Variants in SYNJ1 observed in about 807,000 individuals in gnomAD.
SYNJ1 encodes the protein synaptojanin 1, also known as polyphosphatidylinositol phosphatase SYNJ1.
SYNJ1 carries 78 observed loss-of-function variants against 168.2 expected under a neutral mutation model. The ratio of observed to expected loss-of-function variants is 0.46; its 90% CI spans 0.39 to 0.56. SYNJ1 has a LOEUF of 0.56. SYNJ1 is among the 20% of genes least tolerant of loss of function. SYNJ1 has a pLI of 0.00. For missense variants in SYNJ1, 1,303 were observed against 1,597.6 expected, an observed-to-expected ratio of 0.82 and a Z score of 3.14; for synonymous variants, 539 against 548.6, an observed-to-expected ratio of 0.98 and a Z score of 0.24.
intron 11 of SYNJ1, among the ~76,000 whole-genome samples, chr21:32,680,580 A>G (rs1284791039): frequency 1.3e-5 from 2 of 152,186 alleles, no homozygotes; most frequent in African/African-American, 4.8e-5. Context: ...GGAAATAAAA[A>G]GTAATGATGA....
At chr21:32,710,548 A>C (rs2042791140) in intron 2 of SYNJ1, among the ~76,000 whole-genome samples, 1 of 151,798 alleles carries the variant, frequency 6.6e-6, no homozygotes, top group Admixed American at 6.6e-5. Context: ...TTTCCCAAAC[A>C]GGATCTCTCA....
At chr21:32,669,502 A>G (rs2041095913) in intron 15 of SYNJ1, among the ~76,000 whole-genome samples, 1 of 152,244 alleles carries the variant, frequency 6.6e-6, no homozygotes, top group Non-Finnish European at 1.5e-5. Flanking sequence ...GAAGTGCTAC[A>G]TAACTTAGGG....
At chr21:32,656,452 A>T (rs1470106542) in intron 21 of SYNJ1, among the ~76,000 whole-genome samples, 1 of 152,150 alleles carries the variant, frequency 6.6e-6, no homozygotes, top group East Asian at 1.9e-4. Flanking sequence ...TTAAAAAAAA[A>T]GTTTCACTAT....
At chr21:32,699,512 T>C (rs1386779808) in intron 4 of SYNJ1, among the ~76,000 whole-genome samples, 1 of 152,214 alleles carries the variant, frequency 6.6e-6, no homozygotes, top group Non-Finnish European at 1.5e-5. Flanking sequence ...CTTAACAACA[T>C]TCTGACAGTT....
chr21:32,631,938 G>T (rs1237573245), intron 32 of SYNJ1, 137 bp from the exon 33 acceptor site: 4 of 740,520 alleles, frequency 5.4e-6, no homozygotes, highest in Non-Finnish European at 6.3e-6. Flanking sequence ...TGTGTAGTTT[G>T]TTACTCCGGT....
At chr21:32,667,018 T>C (rs1422852124) in intron 15 of SYNJ1, among the ~76,000 whole-genome samples, 1 of 151,838 alleles carries the variant, frequency 6.6e-6, no homozygotes, top group Non-Finnish European at 1.5e-5. Context: ...AAATCATCTC[T>C]AGATTACCTA....
At chr21:32,662,196 C>T (rs1339571983) in intron 18 of SYNJ1, among the ~76,000 whole-genome samples, 1 of 152,140 alleles carries the variant, frequency 6.6e-6, no homozygotes, top group Non-Finnish European at 1.5e-5. Context: ...TCCAGTCACA[C>T]CCGGAAGCTG....
rs1391529643 is a variant in SYNJ1 at position 32,695,096 on chromosome 21, A to G, written c.666T>C (p.Asn222=). ...AGTRFNVRGT[N]DDGHVANFVE... ...CAAAATTGGCAACATGACCATCATCATTTGTTCCCCGGACATTAAACCTGG... is the reference window on the plus strand; with the variant it reads ...CAAAATTGGCAACATGACCATCATCGTTTGTTCCCCGGACATTAAACCTGG... Residue 222 remains asparagine, a synonymous_variant, in exon 5 of 33, where the codon AAT becomes AAC. Transcript: ENST00000674351. 6.2e-7 allele frequency: 1 copy of G among 1,614,030 alleles called. No homozygotes were observed.
rs111277530 is a variant in SYNJ1, at chr21:32,677,759, A to AG, written c.1510+885_1510+886insC. On this transcript the variant is annotated intron_variant, in intron 12 of 32. Coordinates refer to ENST00000674351, the MANE Select transcript of SYNJ1 (RefSeq NM_203446.3). The stretch of plus-strand genomic sequence containing the variant: ...AATTAACTACCTTTAGGCACCATGC[A>AG]AATTCTAAAATAATCCATAACTTAT... Among the ~76,000 whole-genome samples, 114 of 152,332 alleles carry AG rather than the reference A, an allele frequency of 7.5e-4. 1 individual carries two copies. Among genetic ancestry groups the AG allele is most frequent in the African/African-American group, 2.6e-3 (109 of 41,574 alleles).
At chr21:32,666,677 C>A in intron 15 of SYNJ1, 104 bp from the exon 16 acceptor site, 1 of 1,196,342 alleles carries the variant, frequency 8.4e-7, no homozygotes, top group Non-Finnish European at 1.1e-6. Flanking sequence ...TATCCTAAGA[C>A]TCTGAAGGAA....
chr21:32,690,855 G>A (rs1429822072), intron 6 of SYNJ1, among the ~76,000 whole-genome samples: 1 of 152,220 alleles, frequency 6.6e-6, no homozygotes, highest in African/African-American at 2.4e-5. Context: ...CCGGGAGGCG[G>A]AGGTTGCGGT....
chr21:32,645,569 T>A, intron 25 of SYNJ1, 77 bp downstream of exon 25: 1 of 1,423,112 alleles, frequency 7.0e-7, no homozygotes, highest in Admixed American at 3.3e-5. Flanking sequence ...AAGCTAGAGA[T>A]TGGAAAACAT....
At chr21:32,662,894 A>C (rs1569059986) in intron 18 of SYNJ1, among the ~76,000 whole-genome samples, 1 of 152,136 alleles carries the variant, frequency 6.6e-6, no homozygotes, top group Non-Finnish European at 1.5e-5. Flanking sequence ...CGCTGGAAAA[A>C]AGGGGAGCGT....
intron 2 of SYNJ1, among the ~76,000 whole-genome samples, chr21:32,706,353 C>A (rs903211466): frequency 1.3e-5 from 2 of 152,042 alleles, no homozygotes; most frequent in African/African-American, 2.4e-5. Context: ...ATTAGATAGC[C>A]ATAATACATC....
intron 9 of SYNJ1, among the ~76,000 whole-genome samples, chr21:32,684,554 A>C (rs1164232575): frequency 6.6e-6 from 1 of 152,222 alleles, no homozygotes; most frequent in Non-Finnish European, 1.5e-5. Context: ...TTTCTGCACT[A>C]AAGTTTCCCT....
chr21:32,701,783 G>A (rs542051805), intron 3 of SYNJ1, among the ~76,000 whole-genome samples, 178 bp downstream of exon 3: 16 of 152,226 alleles, frequency 1.1e-4, no homozygotes, highest in Admixed American at 3.9e-4. Flanking sequence ...CATGTAGCAC[G>A]CCTTTTTGGG....
intron 2 of SYNJ1, among the ~76,000 whole-genome samples, chr21:32,711,846 A>T (rs2042843017): frequency 6.6e-6 from 1 of 152,224 alleles, no homozygotes; most frequent in African/African-American, 2.4e-5. Context: ...TTGTCGCATG[A>T]TAATCACACC....
intron 1 of SYNJ1, among the ~76,000 whole-genome samples, chr21:32,727,525 G>A (rs2043520466): frequency 6.6e-6 from 1 of 152,072 alleles, no homozygotes; most frequent in Admixed American, 6.5e-5. Context: ...CGATAAATAC[G>A]AATGGCCACC....
chr21:32,695,042 A>T lies in SYNJ1; in HGVS notation c.705+15T>A. On this transcript the variant is annotated intron_variant, in intron 5 of 32. Coordinates refer to ENST00000674351, the MANE Select transcript of SYNJ1 (RefSeq NM_203446.3). ...TATAATAAATTAATTAAGTAATATA[A>T]AACACTATATATACCTGTTCTGTTT... is the stretch of plus-strand genomic sequence containing the variant. The T allele has an allele frequency of 6.2e-7, 1 of 1,606,090 alleles. No homozygotes were observed. The highest frequency in any genetic ancestry group is 8.5e-7 in the Non-Finnish European group (1 of 1,174,954).
Sources: gnomAD v4.1 joint callset for allele counts (sites outside exome capture counted in the v4.1 genomes callset) on GRCh38, gnomAD v4.1.1 for gene constraint, MANE v1.5 for transcripts, NCBI Gene and HGNC (gene_info 2026-07-23, HGNC 2026-07-21) for gene names.